Variants in NRAP observed in about 807,000 individuals in gnomAD.
The protein encoded by NRAP is nebulin related anchoring protein.
NRAP carries 189 observed loss-of-function variants against 225.9 expected under a neutral mutation model. That is an observed-to-expected ratio of 0.84 (90% confidence interval 0.74 to 0.94). NRAP has a LOEUF of 0.94. Among genes scored for constraint, NRAP ranks in the 40% least tolerant of loss-of-function variants. The pLI is 0.00. For synonymous variants in NRAP, 769 were observed against 790.7 expected (o/e 0.97, Z 0.46); for missense variants, 2,176 against 2,168.7 (o/e 1.00, Z -0.07).
At chr10:113,597,250 C>A in intron 36 of NRAP, 66 bp from the exon 37 acceptor site, 1 of 980,000 alleles carries the variant, frequency 1.0e-6, no homozygotes, top group East Asian at 2.4e-5. Context: ...CAGGGTGCAG[C>A]TTCACTCCAC....
In NRAP at chr10:113,626,140, G is replaced by A; in HGVS notation, c.2151C>T (p.Asn717=). The A allele has an allele frequency of 6.2e-7, 1 of 1,600,892 alleles. No homozygotes were observed. The highest frequency in any genetic ancestry group is 1.3e-5 in the African/African-American group (1 of 74,740). Residue 717 remains asparagine, a synonymous_variant, in exon 21 of 42, where the codon AAC becomes AAT. Transcript: ENST00000359988. ...KKAGQLVSEK[N]YRQRVDELKF... Reference sequence around the variant, plus strand: ...TCAGCTCATCGACCCTCTGCCGGTAGTTTTTCTGTTTCCAAAGGAAAGGGA... The same window carrying A: ...TCAGCTCATCGACCCTCTGCCGGTAATTTTTCTGTTTCCAAAGGAAAGGGA...
intron 9 of NRAP, among the ~76,000 whole-genome samples, chr10:113,648,663 A>G (rs1432741478): frequency 6.6e-6 from 1 of 152,072 alleles, no homozygotes; most frequent in South Asian, 2.1e-4. Context: ...CCTCCTCCTC[A>G]TGCCCTGGCG....
At chr10:113,614,120 G>T in intron 29 of NRAP, 63 bp downstream of exon 29, 1 of 1,024,512 alleles carries the variant, frequency 9.8e-7, no homozygotes, top group Non-Finnish European at 1.6e-6. Context: ...AGGTTAGGTT[G>T]CCATGCAGTG....
At chr10:113,649,978 C>T (rs1849840396) in intron 9 of NRAP, 59 bp downstream of exon 9, 3 of 951,224 alleles carry the variant, frequency 3.2e-6, no homozygotes, top group African/African-American at 1.6e-5. Context: ...AGCTGTGTCA[C>T]AGCCTAGAAT....
At chr10:113,644,016 T>C (rs1849356486) in intron 11 of NRAP, among the ~76,000 whole-genome samples, 1 of 151,652 alleles carries the variant, frequency 6.6e-6, no homozygotes, top group South Asian at 2.1e-4. Flanking sequence ...GGCATGGTGG[T>C]GGGCGCCTGT....
chr10:113,626,010 C>T, intron 21 of NRAP, 37 bp downstream of exon 21: 1 of 1,478,644 alleles, frequency 6.8e-7, no homozygotes, highest in Non-Finnish European at 9.2e-7. Context: ...GCCCATGACA[C>T]AGCAGCTTGG....
Position 113,653,057 on chromosome 10 carries a change from T to G in NRAP, c.466-18A>C. On this transcript the variant is annotated intron_variant, in intron 5 of 41. Coordinates refer to ENST00000359988, the MANE Select transcript of NRAP (RefSeq NM_198060.4). ...GTATATTCCTGTTGGTCAGAACCAA[T>G]GTCAGCATGAGAACTGAGATGATAT... is the stretch of plus-strand genomic sequence containing the variant. 1 of 1,423,662 alleles carries G rather than the reference T, an allele frequency of 7.0e-7. No individual in the cohort carries two copies. Among genetic ancestry groups the G allele is most frequent in the Non-Finnish European group, 9.7e-7 (1 of 1,030,474 alleles). The allele number at this position is 1,423,662 out of a possible 1,614,324, so 88.2% of individuals were successfully genotyped here.
intron 29 of NRAP, 101 bp downstream of exon 29, chr10:113,614,082 C>G (rs1847491372): frequency 1.3e-6 from 1 of 779,434 alleles, no homozygotes; most frequent in South Asian, 1.5e-5. Context: ...AGCAACAGAA[C>G]CAATACCCAT....
chr10:113,628,258 G>A (rs941312332), intron 20 of NRAP, among the ~76,000 whole-genome samples: 3 of 152,178 alleles, frequency 2.0e-5, no homozygotes, highest in African/African-American at 7.2e-5. Context: ...CACGATCTCG[G>A]TTCACTGCAA....
chr10:113,590,379 A>G (rs1282311134), intron 40 of NRAP, among the ~76,000 whole-genome samples, 199 bp downstream of exon 40: 1 of 152,196 alleles, frequency 6.6e-6, no homozygotes, highest in Non-Finnish European at 1.5e-5. Flanking sequence ...AGCATTTGAC[A>G]CAGAGCCTGG....
chr10:113,656,463 T>C (rs531976435), intron 4 of NRAP, among the ~76,000 whole-genome samples: 1 of 152,354 alleles, frequency 6.6e-6, no homozygotes, highest in East Asian at 1.9e-4. Context: ...CCTGAGGCTG[T>C]CGTGGGTGTG....
At chr10:113,638,887 TC>T (rs1207183806) in intron 14 of NRAP, among the ~76,000 whole-genome samples, 2 of 152,110 alleles carry the variant, frequency 1.3e-5, no homozygotes, top group African/African-American at 2.4e-5. Context: ...GTATCAGACT[TC>T]CCCGGGTGGG....
Position 113,608,410 on chromosome 10 carries a change from T to A in NRAP, c.3702+4A>T. 1 of 1,586,600 alleles carries A rather than the reference T, an allele frequency of 6.3e-7. No individual in the cohort carries two copies. ...ACCATTCCAAAGCCATCAGGAGATT[T>A]TACCTCATTCGTTATCTGGTTGCTG... On this transcript the variant is annotated splice_donor_region_variant and intron_variant, in intron 32 of 41. Transcript: ENST00000359988.
At chr10:113,589,896 C>G (rs1845852452) in intron 40 of NRAP, 99 bp from the exon 41 acceptor site, 1 of 1,334,222 alleles carries the variant, frequency 7.5e-7, no homozygotes, top group Non-Finnish European at 1.0e-6. Flanking sequence ...CAGTATGAGA[C>G]TATGTTGTCT....
Position 113,595,654 on chromosome 10 carries a change from C to A in NRAP, c.4505G>T (p.Arg1502Leu). The change falls in exon 38 of 42, where the codon CGA becomes CTA. Residue 1502 changes from arginine to leucine, a missense_variant. Arg to Leu is a moderately radical substitution (Grantham distance 102, BLOSUM62 -2). Around this residue, in one of 3 missense-constraint regions of NRAP, gnomAD observed 445 missense variants for 426.1 expected, o/e 1.04. Coordinates refer to ENST00000359988, the MANE Select transcript of NRAP (RefSeq NM_198060.4). ...CAGATGCAGCGCATTGAGGCGAGCT[C>A]GGGTGAAATCGGGATGGTCGGGGAT... is the stretch of plus-strand genomic sequence containing the variant. ...TLIPDHPDFT[R>L]ARLNALHLSD... 3 of 1,613,628 alleles carry A rather than the reference C, an allele frequency of 1.9e-6. No homozygotes were observed. In the South Asian group the frequency reaches 3.3e-5, roughly 18 times the overall value.
chr10:113,610,473 C>T lies in NRAP; in HGVS notation c.3589G>A (p.Glu1197Lys), dbSNP rs867734136. 3.2e-6 allele frequency: 5 copies of T among 1,559,094 alleles called. No individual in the cohort carries two copies. In the Middle Eastern group the frequency reaches 8.4e-4, roughly 261 times the overall value. The part of the protein sequence containing the change: ...LEIEGRKKAS[E>K]LISESKYRQH... ...TCTGTAGTTACCTCACTGATGAGTTCCGATGCTTTCTTCCTCCCTTCAATC... is the reference window on the plus strand; with the variant it reads ...TCTGTAGTTACCTCACTGATGAGTTTCGATGCTTTCTTCCTCCCTTCAATC... The change falls in exon 31 of 42, where the codon GAA (glutamate) becomes AAA (lysine). Residue 1197 changes from glutamate to lysine, a missense_variant. Around this residue, in one of 3 missense-constraint regions of NRAP, gnomAD observed 1,708 missense variants for 1,695.5 expected, o/e 1.01. Transcript: ENST00000359988.
chr10:113,606,988 A>G (rs1390071138), intron 32 of NRAP, among the ~76,000 whole-genome samples: 1 of 152,104 alleles, frequency 6.6e-6, no homozygotes, highest in African/African-American at 2.4e-5. Flanking sequence ...GGATCATCTA[A>G]GGTCAGGAGT....
Position 113,629,037 on chromosome 10 carries a change from C to T in NRAP, c.2041-16G>A. 1 of 1,577,712 alleles carries T rather than the reference C, an allele frequency of 6.3e-7. No homozygotes were observed. Among genetic ancestry groups the T allele is most frequent in the Non-Finnish European group, 8.7e-7 (1 of 1,146,772 alleles). ...TGTACTGCAGCTACAAAAGAAAAAC[C>T]ACAAAGCTCTCATTGGGCGCATGGA... On this transcript the variant is annotated splice_polypyrimidine_tract_variant and intron_variant, in intron 19 of 41. Coordinates refer to ENST00000359988, the MANE Select transcript of NRAP (RefSeq NM_198060.4).
intron 11 of NRAP, among the ~76,000 whole-genome samples, chr10:113,643,424 T>C (rs1378135227): frequency 6.6e-6 from 1 of 152,242 alleles, no homozygotes; most frequent in Non-Finnish European, 1.5e-5. Flanking sequence ...TTCTGTTTCT[T>C]GATCTGATTG....
Sources: allele counts gnomAD v4.1 joint callset (sites outside exome capture counted in the v4.1 genomes callset), GRCh38; gene constraint gnomAD v4.1.1; regional missense constraint gnomAD v4.1.1; transcripts MANE v1.5; gene names NCBI Gene and HGNC (gene_info 2026-07-23, HGNC 2026-07-21).